Variants in TMEM135 observed in about 807,000 individuals in gnomAD.
TMEM135 encodes the protein transmembrane protein 135, also known as peroxisomal membrane protein 52.
A neutral mutation model predicts 60.3 loss-of-function variants in TMEM135; 30 were observed. The ratio of observed to expected loss-of-function variants is 0.50; its 90% CI spans 0.37 to 0.68. The LOEUF (loss-of-function observed/expected upper bound fraction) is 0.68. TMEM135 is among the 30% of genes least tolerant of loss of function. The pLI is 0.00. For synonymous variants in TMEM135, 190 were observed against 186.7 expected, an observed-to-expected ratio of 1.02 and a Z score of -0.14; for missense variants, 468 against 548.8, an observed-to-expected ratio of 0.85 and a Z score of 1.47.
rs538539674 is a variant in TMEM135, at chr11:87,324,193, A to G, written c.*2860A>G. ...CGTAATTGTTTCCTGCTTATATTTT[A>G]TCATATCCCTGAGCTTCTGTGTGCT... is the stretch of plus-strand genomic sequence containing the variant. On this transcript the variant is annotated 3_prime_UTR_variant, in exon 15 of 15. Transcript: ENST00000305494. The G allele has an allele frequency of 2.9e-5, 13 of 453,896 alleles. No individual in the cohort carries two copies. The highest frequency in any genetic ancestry group is 5.7e-5 in the Non-Finnish European group (13 of 226,766). The allele number at this position is 453,896 out of a possible 1,614,324, so 28.1% of individuals were successfully genotyped here.
chr11:87,088,148 G>C lies in TMEM135; in HGVS notation c.363-3214G>C, dbSNP rs1323382799. Among the ~76,000 whole-genome samples the C allele has an allele frequency of 3.3e-5, 5 of 152,068 alleles. No homozygotes were observed. In the East Asian group the frequency reaches 9.7e-4, roughly 29 times the overall value. On this transcript the variant is annotated intron_variant, in intron 3 of 14. Transcript: ENST00000305494. ...GTGTCAAGATAACTTGGGGCTCCTG[G>C]ACCTGATAGAAAGTGACATTCTTTA...
rs927961731 is a variant in TMEM135 at position 87,261,710 on chromosome 11, C to T, written c.509+25026C>T. Reference sequence around the variant, plus strand: ...AGTCATGACTCACTGCAGCCTCAAACGTCTGGCCTTAAGCAGTCCTCCCAC... The same window carrying T: ...AGTCATGACTCACTGCAGCCTCAAATGTCTGGCCTTAAGCAGTCCTCCCAC... On this transcript the variant is annotated intron_variant, in intron 6 of 14. Transcript: ENST00000305494. Among the ~76,000 whole-genome samples the T allele has an allele frequency of 3.9e-5, 6 of 152,146 alleles. 1 individual carries two copies. Among genetic ancestry groups the T allele is most frequent in the African/African-American group, 1.2e-4 (5 of 41,430 alleles).
intron 3 of TMEM135, among the ~76,000 whole-genome samples, chr11:87,076,354 G>A (rs1333301260): frequency 6.6e-6 from 1 of 152,192 alleles, no homozygotes; most frequent in Admixed American, 6.5e-5. Flanking sequence ...GGCCACTGCT[G>A]ATGTTCACTT....
At chr11:87,087,704 C>T (rs144355589) in intron 3 of TMEM135, among the ~76,000 whole-genome samples, 14 of 152,060 alleles carry the variant, frequency 9.2e-5, no homozygotes, top group Non-Finnish European at 1.9e-4. Context: ...AAAATTGGCT[C>T]TGATGGAATT....
chr11:87,150,185 A>G (rs1236801750), intron 4 of TMEM135, among the ~76,000 whole-genome samples: 1 of 148,100 alleles, frequency 6.8e-6, no homozygotes, highest in Non-Finnish European at 1.5e-5. Flanking sequence ...ATTGCACTCC[A>G]GCCTGGGCAA....
chr11:87,322,372 T>A lies in TMEM135; in HGVS notation c.*1039T>A, dbSNP rs746681512. 2 of 453,934 alleles carry A rather than the reference T, an allele frequency of 4.4e-6. No individual in the cohort carries two copies. Among genetic ancestry groups the A allele is most frequent in the Non-Finnish European group, 8.8e-6 (2 of 226,710 alleles). 28.1% of individuals were successfully genotyped at this position (453,934 alleles called of 1,614,324 possible). A position where few individuals can be genotyped will look rare whatever the true frequency, so the allele number is the denominator to read the frequency against. On this transcript the variant is annotated 3_prime_UTR_variant, in exon 15 of 15. Transcript: ENST00000305494. ...AAAAGTCCATTTGTCACTAATTCCA[T>A]TCAGGTTCTCCAACCTTCTTCTTGA...
At chr11:87,167,058 C>G (rs1287242656) in intron 5 of TMEM135, among the ~76,000 whole-genome samples, 2 of 152,106 alleles carry the variant, frequency 1.3e-5, no homozygotes, top group East Asian at 3.9e-4. Context: ...GTTTTATTCT[C>G]TTTGTAGCAA....
Position 87,120,116 on chromosome 11 carries a change from C to CT in TMEM135, c.396+28737dup, listed in dbSNP as rs57519689. Among the ~76,000 whole-genome samples, 88 of 112,816 alleles carry CT rather than the reference C, an allele frequency of 7.8e-4. 1 individual carries two copies. Among genetic ancestry groups the CT allele is most frequent in the South Asian group, 1.9e-3 (7 of 3,606 alleles). The allele number at this position is 112,816 out of a possible 152,430, so 74.0% of individuals were successfully genotyped here. On this transcript the variant is annotated intron_variant, in intron 4 of 14. Transcript: ENST00000305494. ...ATTAGTCTGTTTTTTTCTTCTTCTT[C>CT]TTTTTTTTTTTTTTTTGAGACAGTC...
At chr11:87,066,914 G>A (rs1380768860) in intron 1 of TMEM135, among the ~76,000 whole-genome samples, 2 of 150,278 alleles carry the variant, frequency 1.3e-5, no homozygotes, top group South Asian at 4.2e-4. Flanking sequence ...CCAAGTAGCT[G>A]GGACTACAGG....
chr11:87,091,566 TC>T (rs1857205099), intron 4 of TMEM135, among the ~76,000 whole-genome samples, 171 bp downstream of exon 4: 1 of 152,126 alleles, frequency 6.6e-6, no homozygotes, highest in Admixed American at 6.6e-5. Flanking sequence ...TCTGGTTTGT[TC>T]CATCATATAG....
intron 6 of TMEM135, among the ~76,000 whole-genome samples, chr11:87,270,737 CAA>C (rs1401160432): frequency 5.3e-5 from 8 of 152,118 alleles, no homozygotes; most frequent in Admixed American, 3.9e-4. Flanking sequence ...ATCATGACAT[CAA>C]GTTTCTATAA....
rs193162678 is a variant in TMEM135, at chr11:87,328,668, A to C, written c.*7335A>C. The stretch of plus-strand genomic sequence containing the variant: ...CTCCATCCAAGATGCTGCAAAAGAC[A>C]TTATTTCATCTTTTATTTTTTATGG... On this transcript the variant is annotated 3_prime_UTR_variant, in exon 15 of 15. Coordinates refer to ENST00000305494, the MANE Select transcript of TMEM135 (RefSeq NM_022918.4). The C allele has an allele frequency of 7.7e-5, 35 of 454,086 alleles. No individual in the cohort carries two copies. Among genetic ancestry groups the C allele is most frequent in the Middle Eastern group, 6.9e-4 (1 of 1,444 alleles). 28.1% of individuals were successfully genotyped at this position (454,086 alleles called of 1,614,324 possible). A position where few individuals can be genotyped will look rare whatever the true frequency, so the allele number is the denominator to read the frequency against.
At chr11:87,183,399 C>T (rs1361283220) in intron 5 of TMEM135, among the ~76,000 whole-genome samples, 4 of 151,490 alleles carry the variant, frequency 2.6e-5, no homozygotes, top group Admixed American at 2.0e-4. Context: ...CCTCAGCCTC[C>T]CCAAGTGTGG....
intron 4 of TMEM135, among the ~76,000 whole-genome samples, chr11:87,109,092 A>G (rs1454870575): frequency 6.6e-6 from 1 of 152,160 alleles, no homozygotes; most frequent in Non-Finnish European, 1.5e-5. Flanking sequence ...ACACAAGGAA[A>G]CTTTGGAGGT....
intron 4 of TMEM135, among the ~76,000 whole-genome samples, chr11:87,105,734 G>A (rs1857578521): frequency 6.6e-6 from 1 of 152,082 alleles, no homozygotes; most frequent in African/African-American, 2.4e-5. Flanking sequence ...TCATTTCTTT[G>A]TGTTGAGAAC....
intron 1 of TMEM135, among the ~76,000 whole-genome samples, chr11:87,055,699 T>G (rs746484228): frequency 6.6e-6 from 1 of 152,106 alleles, no homozygotes; most frequent in Non-Finnish European, 1.5e-5. Context: ...CAAGTGAGTC[T>G]CCTGCCTCAG....
At chr11:87,243,241 T>G (rs1264064132) in intron 6 of TMEM135, among the ~76,000 whole-genome samples, 1 of 133,474 alleles carries the variant, frequency 7.5e-6, no homozygotes, top group East Asian at 2.0e-4. Flanking sequence ...TACCATGCTG[T>G]TTTGGTTACT....
At chr11:87,102,631 C>G (rs556546522) in intron 4 of TMEM135, among the ~76,000 whole-genome samples, 2 of 149,734 alleles carry the variant, frequency 1.3e-5, no homozygotes, top group South Asian at 4.2e-4. Flanking sequence ...TTTTAATTGA[C>G]AAGTCATAAT....
At chr11:87,103,867 C>T (rs1857526901) in intron 4 of TMEM135, among the ~76,000 whole-genome samples, 1 of 152,048 alleles carries the variant, frequency 6.6e-6, no homozygotes, top group Non-Finnish European at 1.5e-5. Context: ...GTTGCCCAGG[C>T]TTCCAATCTG....
Sources: gnomAD v4.1 joint callset for allele counts (sites outside exome capture counted in the v4.1 genomes callset) on GRCh38, gnomAD v4.1.1 for gene constraint, MANE v1.5 for transcripts, NCBI Gene and HGNC (gene_info 2026-07-23, HGNC 2026-07-21) for gene names.